The following RND2 variants were observed in gnomAD, a reference collection of about 807,000 sequenced individuals.
RND2 encodes the protein rho-related GTP-binding protein RhoN.
RND2 carries 16 observed loss-of-function variants against 25.9 expected under a neutral mutation model. That is an observed-to-expected ratio of 0.62 (90% CI 0.42 to 0.94). The LOEUF is 0.94. Among genes scored for constraint, RND2 ranks in the 40% least tolerant of loss-of-function variants. The pLI, the probability that RND2 is intolerant of heterozygous loss-of-function variation, is 0.00. For missense variants in RND2, 276 were observed against 305.5 expected, an observed-to-expected ratio of 0.90 and a Z score of 0.72; for synonymous variants, 97 against 118.1, an observed-to-expected ratio of 0.82 and a Z score of 1.16.
chr17:43,027,292 G>C lies in RND2; in HGVS notation c.300G>C (p.Lys100Asn). Residue 100 changes from lysine to asparagine, a missense_variant and splice_region_variant, in exon 3 of 5, where the codon AAG (lysine) becomes AAC (asparagine). Transcript: ENST00000587250. Reference sequence around the variant, plus strand: ...AAACACTGGACAGTGTTCTCAAGAAGGTGGGAGCCTGGGGAAATAGGGCAG... The same window carrying C: ...AAACACTGGACAGTGTTCTCAAGAACGTGGGAGCCTGGGGAAATAGGGCAG... The part of the protein sequence containing the change: ...RPETLDSVLK[K>N]WQGETQEFCP... The C allele has an allele frequency of 6.2e-7, 1 of 1,604,436 alleles. No individual in the cohort carries two copies. Among genetic ancestry groups the C allele is most frequent in the South Asian group, 1.1e-5 (1 of 90,046 alleles).
At position 43,025,248 on chromosome 17, in the gene RND2, C is replaced by T. The variant is rs1013154383; in HGVS notation, c.-100C>T. 4.0e-6 allele frequency: 4 copies of T among 1,004,934 alleles called. No individual in the cohort carries two copies. Among genetic ancestry groups the T allele is most frequent in the Admixed American group, 4.5e-5 (1 of 22,020 alleles). 62.3% of individuals were successfully genotyped at this position (1,004,934 alleles called of 1,614,324 possible). ...GGCTCGGCGCGGGCCCGCGAGATGC[C>T]GGTGTTGGCGGCCCGAGCGGCTGCA... On this transcript the variant is annotated 5_prime_UTR_variant, in exon 1 of 5. Transcript: ENST00000587250.
chr17:43,027,270 C>T lies in RND2; in HGVS notation c.278C>T (p.Thr93Ile). The T allele has an allele frequency of 6.2e-7, 1 of 1,612,408 alleles. No homozygotes were observed. Among genetic ancestry groups the T allele is most frequent in the Non-Finnish European group, 8.5e-7 (1 of 1,178,952 alleles). ...TGCTTCGACATTAGCCGACCAGAAA[C>T]ACTGGACAGTGTTCTCAAGAAGGTG... is the stretch of plus-strand genomic sequence containing the variant. ...LICFDISRPE[T>I]LDSVLKKWQG... The change falls in exon 3 of 5, where the codon ACA becomes ATA. Residue 93 changes from threonine (T) to isoleucine (I), a missense_variant. Transcript: ENST00000587250.
Position 43,028,669 on chromosome 17 carries a change from A to G in RND2, c.673A>G (p.Asn225Asp). The G allele has an allele frequency of 1.3e-6, 2 of 1,576,960 alleles. No individual in the cohort carries two copies. The highest frequency in any genetic ancestry group is 1.7e-6 in the Non-Finnish European group (2 of 1,160,970). ...EIHKDRAKSC[N>D]LM The stretch of plus-strand genomic sequence containing the variant: ...ACACAAGGATCGAGCCAAAAGCTGC[A>G]ACCTCATGTGAGGGGCTAGGAGAGG... Residue 225 changes from asparagine (N) to aspartate (D), a missense_variant, in exon 5 of 5, where the codon AAC becomes GAC. Physicochemically the swap from Asn to Asp is conservative, Grantham distance 23. Coordinates refer to ENST00000587250, the MANE Select transcript of RND2 (RefSeq NM_005440.5).
At chr17:43,027,404 G>A (rs1196490166) in intron 3 of RND2, 112 bp downstream of exon 3, 46 of 691,544 alleles carry the variant, frequency 6.7e-5, no homozygotes, top group Non-Finnish European at 9.8e-6. Context: ...GCCATCAGCT[G>A]GTTAGCGAGT....
chr17:43,025,310 A>C lies in RND2; in HGVS notation c.-38A>C. ...GGGGGAGGCGGCGGCGGGGCCCGGG[A>C]GAGGGGTGGCGTGGGGGACCGGCGC... On this transcript the variant is annotated 5_prime_UTR_variant, in exon 1 of 5. Transcript: ENST00000587250. 2 of 1,463,196 alleles carry C rather than the reference A, an allele frequency of 1.4e-6. No individual in the cohort carries two copies. The highest frequency in any genetic ancestry group is 1.8e-6 in the Non-Finnish European group (2 of 1,102,284). The allele number at this position is 1,463,196 out of a possible 1,614,324, so 90.6% of individuals were successfully genotyped here. A position where few individuals can be genotyped will look rare whatever the true frequency, so the allele number is the denominator to read the frequency against.
At chr17:43,025,890 G>A in intron 1 of RND2, 70 bp from the exon 2 acceptor site, 1 of 1,197,586 alleles carries the variant, frequency 8.4e-7, no homozygotes, top group Non-Finnish European at 1.2e-6. Context: ...GGGTGTGGGA[G>A]TGAGGAGGGC....
At chr17:43,025,796 G>A (rs971028905) in intron 1 of RND2, among the ~76,000 whole-genome samples, 164 bp from the exon 2 acceptor site, 1 of 61,688 alleles carries the variant, frequency 1.6e-5, no homozygotes, top group Admixed American at 1.2e-4. Context: ...ATTCTCCGGG[G>A]GGGGGGGGGG....
At chr17:43,025,676 G>A in intron 1 of RND2, 1 of 206,010 alleles carries the variant, frequency 4.9e-6, no homozygotes, top group Non-Finnish European at 8.5e-6. Flanking sequence ...CAGAGCATCC[G>A]GGAGGGAGGG....
rs866465550 is a variant in RND2 at position 43,028,143 on chromosome 17, C to A, written c.383C>A (p.Ala128Asp). 6.2e-7 allele frequency: 1 copy of A among 1,614,060 alleles called. No homozygotes were observed. The highest frequency in any genetic ancestry group is 8.5e-7 in the Non-Finnish European group (1 of 1,180,040). ...AAACTGGACATGCGGACTGACCTGG[C>A]CACACTGAGGGAGCTGTCCAAGCAG... ...GCKLDMRTDL[A>D]TLRELSKQRL... Residue 128 changes from alanine (A) to aspartate (D), a missense_variant, in exon 4 of 5, where the codon GCC becomes GAC. Physicochemically the swap from Ala to Asp is moderately radical, Grantham distance 126 (BLOSUM62 -2). Coordinates refer to ENST00000587250, the MANE Select transcript of RND2 (RefSeq NM_005440.5).
Position 43,029,748 on chromosome 17 carries a change from A to G in RND2, c.*1068A>G. 1 of 152,180 alleles carries G rather than the reference A, an allele frequency of 6.6e-6. No individual in the cohort carries two copies. The highest frequency in any genetic ancestry group is 1.5e-5 in the Non-Finnish European group (1 of 68,036). The allele number at this position is 152,180 out of a possible 1,614,324, so 9.4% of individuals were successfully genotyped here. A position where few individuals can be genotyped will look rare whatever the true frequency, so the allele number is the denominator to read the frequency against. On this transcript the variant is annotated 3_prime_UTR_variant, in exon 5 of 5. Coordinates refer to ENST00000587250, the MANE Select transcript of RND2 (RefSeq NM_005440.5). ...ATCTCTACTAAAAATACAAAAAATTAGCCAGGCGCGGTGGCAGTGCCTGTA... is the reference window on the plus strand; with the variant it reads ...ATCTCTACTAAAAATACAAAAAATTGGCCAGGCGCGGTGGCAGTGCCTGTA...
At chr17:43,027,085 C>G (rs2050628790) in intron 2 of RND2, 98 bp from the exon 3 acceptor site, 2 of 712,158 alleles carry the variant, frequency 2.8e-6, no homozygotes, top group Non-Finnish European at 4.7e-6. Context: ...CTTTTCCATT[C>G]TCTGCTCCCA....
At position 43,027,251 on chromosome 17, in the gene RND2, G is replaced by T; in HGVS notation, c.259G>T (p.Asp87Tyr). 6.2e-7 allele frequency: 1 copy of T among 1,612,738 alleles called. No individual in the cohort carries two copies. Among genetic ancestry groups the T allele is most frequent in the South Asian group, 1.1e-5 (1 of 90,864 alleles). Residue 87 changes from aspartate to tyrosine, a missense_variant, in exon 3 of 5, where the codon GAC becomes TAC. Asp to Tyr is a radical substitution (Grantham distance 160). Transcript: ENST00000587250. ...PDSDAVLICF[D>Y]ISRPETLDSV... ...TTCTGATGCTGTGCTCATCTGCTTC[G>T]ACATTAGCCGACCAGAAACACTGGA...
intron 4 of RND2, 22 bp from the exon 5 acceptor site, chr17:43,028,410 C>T: frequency 1.2e-6 from 2 of 1,610,682 alleles, no homozygotes; most frequent in South Asian, 1.1e-5. Flanking sequence ...AACTTTCTCC[C>T]ATGCACTCCT....
chr17:43,027,650 A>G (rs2050634540), intron 3 of RND2, among the ~76,000 whole-genome samples: 1 of 150,994 alleles, frequency 6.6e-6, no homozygotes, highest in Non-Finnish European at 1.5e-5. Flanking sequence ...CCTCCTCTCC[A>G]GGCCCCAGTT....
At chr17:43,027,430 GC>G (rs1473075637) in intron 3 of RND2, 138 bp downstream of exon 3, 2 of 581,840 alleles carry the variant, frequency 3.4e-6, no homozygotes, top group African/African-American at 3.8e-5. Context: ...TCTCATCCCT[GC>G]CACCCCTGCC....
chr17:43,027,676 AG>A (rs2050634832), intron 3 of RND2, among the ~76,000 whole-genome samples: 1 of 144,236 alleles, frequency 6.9e-6, no homozygotes, highest in Non-Finnish European at 1.5e-5. Context: ...GACAAAAGCC[AG>A]GGGTGAATGG....
Position 43,025,995 on chromosome 17 carries a change from G to A in RND2, c.138G>A (p.Ala46=). Residue 46 remains alanine, a synonymous_variant, in exon 2 of 5, where the codon GCG becomes GCA. Transcript: ENST00000587250. The stretch of plus-strand genomic sequence containing the variant: ...CCACCGTGTTTGAGAACTACACTGC[G>A]AGCTTTGAGATCGACAAGCGCCGCA... ...YVPTVFENYT[A]SFEIDKRRIE... 6.2e-7 allele frequency: 1 copy of A among 1,613,020 alleles called. No homozygotes were observed.
In RND2 at chr17:43,027,169, C is replaced by A; in HGVS notation, c.191-14C>A. The A allele has an allele frequency of 6.4e-7, 1 of 1,570,706 alleles. No individual in the cohort carries two copies. Among genetic ancestry groups the A allele is most frequent in the Non-Finnish European group, 8.7e-7 (1 of 1,150,876 alleles). ...CCCATCCACTCAGGCCCCTCATGCC[C>A]TGTCTTCCTTCAGGTTCCTCTTACT... On this transcript the variant is annotated splice_polypyrimidine_tract_variant and intron_variant, in intron 2 of 4. Transcript: ENST00000587250.
chr17:43,028,292 G>C, intron 4 of RND2, 97 bp downstream of exon 4: 1 of 1,590,084 alleles, frequency 6.3e-7, no homozygotes, highest in Non-Finnish European at 8.6e-7. Flanking sequence ...CTCATCCTTT[G>C]TTCTGGTCTG....
Sources: gnomAD v4.1 joint callset for allele counts (sites outside exome capture counted in the v4.1 genomes callset) on GRCh38, gnomAD v4.1.1 for gene constraint, MANE v1.5 for transcripts, NCBI Gene and HGNC (gene_info 2026-07-23, HGNC 2026-07-21) for gene names.